The following THUMPD1 variants were observed in gnomAD, a reference collection of about 807,000 sequenced individuals.
The protein encoded by THUMPD1 is THUMP domain 1 NAT10 acetyltransferase adaptor.
A neutral mutation model predicts 31.6 loss-of-function variants in THUMPD1; 31 were observed. The observed-to-expected ratio is 0.98, with a 90% CI of 0.74 to 1.32. The LOEUF (loss-of-function observed/expected upper bound fraction) is 1.32. Among genes scored for constraint, THUMPD1 ranks in the 40% most tolerant of loss-of-function variants. The probability of loss-of-function intolerance (pLI) is 0.00; values close to 1 mark genes in which losing one functional copy is unlikely to be tolerated. For missense variants in THUMPD1, 446 were observed against 427.8 expected, an observed-to-expected ratio of 1.04 and a Z score of -0.38; for synonymous variants, 166 against 158.2, an observed-to-expected ratio of 1.05 and a Z score of -0.37.
chr16:20,737,305 A>C lies in THUMPD1; in HGVS notation c.656-19T>G. ...ACTATTCCTGTAACAAAAACAGAAA[A>C]ACACATAGCTGAGGAGGATACCATT... On this transcript the variant is annotated intron_variant, in intron 3 of 3. Transcript: ENST00000396083. 6.3e-7 allele frequency: 1 copy of C among 1,590,610 alleles called. No individual in the cohort carries two copies. Among genetic ancestry groups the C allele is most frequent in the Non-Finnish European group, 8.6e-7 (1 of 1,168,448 alleles).
rs1202335328 is a variant in THUMPD1 at position 20,734,807 on chromosome 16, T to C, written c.*2073A>G. 1 of 152,204 alleles carries C rather than the reference T, an allele frequency of 6.6e-6. No homozygotes were observed. The highest frequency in any genetic ancestry group is 2.4e-5 in the African/African-American group (1 of 41,464). 9.4% of individuals were successfully genotyped at this position (152,204 alleles called of 1,614,324 possible). On this transcript the variant is annotated 3_prime_UTR_variant, in exon 4 of 4. Transcript: ENST00000396083. The stretch of plus-strand genomic sequence containing the variant: ...TGAGTGTGAGCACTAAGTTGAAGAA[T>C]ACTCTTATTTCACAGAAATCTAGGA...
chr16:20,737,998 T>C, intron 2 of THUMPD1, 42 bp from the exon 3 acceptor site: 4 of 1,543,922 alleles, frequency 2.6e-6, no homozygotes, highest in South Asian at 2.5e-5. Context: ...TTCTCAGACA[T>C]CTTAAAGATC....
chr16:20,741,800 A>G lies in THUMPD1; in HGVS notation c.-61T>C, dbSNP rs755112249. 31 of 1,546,166 alleles carry G rather than the reference A, an allele frequency of 2.0e-5. 1 individual carries two copies. In the South Asian group the frequency reaches 3.2e-4, roughly 16 times the overall value. The stretch of plus-strand genomic sequence containing the variant: ...TCCGCTGCTGTTGGCGTCCTCGTCT[A>G]TCGCCGGCGCGAACTGGTGACGTCG... On this transcript the variant is annotated 5_prime_UTR_variant, in exon 1 of 4. Transcript: ENST00000396083.
In THUMPD1 at chr16:20,741,758, G is replaced by C. The variant is rs752416689; in HGVS notation, c.-19C>G. 6.4e-7 allele frequency: 1 copy of C among 1,557,642 alleles called. No homozygotes were observed. Among genetic ancestry groups the C allele is most frequent in the Non-Finnish European group, 8.7e-7 (1 of 1,150,430 alleles). ...CCGCCATGGTGTGCGCAAACTGAGA[G>C]GAAAGAGAAACGTTTCTCCGCTGCT... On this transcript the variant is annotated 5_prime_UTR_variant, in exon 1 of 4. Coordinates refer to ENST00000396083, the MANE Select transcript of THUMPD1 (RefSeq NM_017736.5).
chr16:20,741,816 GGT>G lies in THUMPD1; in HGVS notation c.-79_-78del. The G allele has an allele frequency of 6.5e-7, 1 of 1,542,202 alleles. No individual in the cohort carries two copies. Reference sequence around the variant, plus strand: ...TCCTCGTCTATCGCCGGCGCGAACTGGTGACGTCGGATATGAGCGACGGCCTC... The same window carrying G: ...TCCTCGTCTATCGCCGGCGCGAACTGGACGTCGGATATGAGCGACGGCCTC... On this transcript the variant is annotated 5_prime_UTR_variant, in exon 1 of 4. Coordinates refer to ENST00000396083, the MANE Select transcript of THUMPD1 (RefSeq NM_017736.5).
chr16:20,741,481 G>GGGGGGGGGGGCGCCCCCCCCCCCCCCC, intron 1 of THUMPD1, 28 bp downstream of exon 1: 1 of 1,308,412 alleles, frequency 7.6e-7, no homozygotes, highest in Non-Finnish European at 9.9e-7. Context: ...CTGGCAGCCG[G>GGGGGGGGGGGCGCCCCCCCCCCCCCCC]CCCGCCCGCC....
chr16:20,739,006 C>A lies in THUMPD1; in HGVS notation c.297G>T (p.Leu99Phe), dbSNP rs1402677302. Residue 99 changes from leucine to phenylalanine, a missense_variant, in exon 2 of 4, where the codon TTG (leucine) becomes TTT (phenylalanine). Physicochemically the swap from Leu to Phe is conservative, Grantham distance 22 (BLOSUM62 0). Coordinates refer to ENST00000396083, the MANE Select transcript of THUMPD1 (RefSeq NM_017736.5). Reference sequence around the variant, plus strand: ...CCTTAATGTCACCAACTTCTTTCTTCAAGGCAGCCTCCGCATCATCATCCT... The same window carrying A: ...CCTTAATGTCACCAACTTCTTTCTTAAAGGCAGCCTCCGCATCATCATCCT... ...EGEDDDAEAA[L>F]KKEVGDIKAS... 6.2e-7 allele frequency: 1 copy of A among 1,614,090 alleles called. No individual in the cohort carries two copies. The highest frequency in any genetic ancestry group is 8.5e-7 in the Non-Finnish European group (1 of 1,180,032).
Position 20,736,378 on chromosome 16 carries a change from T to TAAAAAAAAAAAAAAAAA in THUMPD1, c.*485_*501dup, listed in dbSNP as rs33947944. ...TGTCAGCTATATTACACACAAATGTTAAAAAAAAAAAAAAAAAACAGACAT... is the reference window on the plus strand; with the variant it reads ...TGTCAGCTATATTACACACAAATGTTAAAAAAAAAAAAAAAAAAAAAAAAAAAAAAAAAAACAGACAT... On this transcript the variant is annotated 3_prime_UTR_variant, in exon 4 of 4. Transcript: ENST00000396083. 1 of 129,244 alleles carries TAAAAAAAAAAAAAAAAA rather than the reference T, an allele frequency of 7.7e-6. No individual in the cohort carries two copies. The highest frequency in any genetic ancestry group is 3.0e-5 in the African/African-American group (1 of 33,474). 8.0% of individuals were successfully genotyped at this position (129,244 alleles called of 1,614,324 possible). A position where few individuals can be genotyped will look rare whatever the true frequency, so the allele number is the denominator to read the frequency against.
At chr16:20,738,114 C>A in intron 2 of THUMPD1, 158 bp from the exon 3 acceptor site, 1 of 743,768 alleles carries the variant, frequency 1.3e-6, no homozygotes, top group East Asian at 2.5e-5. Flanking sequence ...AACAGTATTT[C>A]TTCAGTGCCT....
chr16:20,737,823 T>C lies in THUMPD1; in HGVS notation c.540A>G (p.Ala180=). 1.2e-6 allele frequency: 2 copies of C among 1,614,008 alleles called. No individual in the cohort carries two copies. Among genetic ancestry groups the C allele is most frequent in the African/African-American group, 1.3e-5 (1 of 75,056 alleles). The change falls in exon 3 of 4, where the codon GCA becomes GCG. Residue 180 remains alanine, a synonymous_variant. Transcript: ENST00000396083. ...TAAACCAGGGTTCCAAAAATGTTTC[T>C]GCATATTTTTTCATATCTTCTAAAA... is the stretch of plus-strand genomic sequence containing the variant. ...KAFLEDMKKY[A]ETFLEPWFKA... is the part of the protein sequence containing the mutation.
At position 20,741,526 on chromosome 16, in the gene THUMPD1, T is replaced by G. The variant is rs1165760180; in HGVS notation, c.214A>C (p.Met72Leu). ...ACCGGTACCTTTTCTGGCCCATACA[T>G]GTCGTCGCCGTATTCGTTGAGGAGG... is the stretch of plus-strand genomic sequence containing the variant. The part of the protein sequence containing the change: ...YSLLNEYGDD[M>L]YGPEKFTDKD... The change falls in exon 1 of 4, where the codon ATG becomes CTG. Residue 72 changes from methionine to leucine, a missense_variant. Met to Leu is a conservative substitution (Grantham distance 15, BLOSUM62 2). Coordinates refer to ENST00000396083, the MANE Select transcript of THUMPD1 (RefSeq NM_017736.5). 8.7e-7 allele frequency: 1 copy of G among 1,145,076 alleles called. No individual in the cohort carries two copies. The highest frequency in any genetic ancestry group is 2.7e-5 in the Admixed American group (1 of 37,560). The allele number at this position is 1,145,076 out of a possible 1,614,324, so 70.9% of individuals were successfully genotyped here.
intron 3 of THUMPD1, 68 bp downstream of exon 3, chr16:20,737,637 AAAG>A (rs1342959629): frequency 4.0e-6 from 6 of 1,488,860 alleles, no homozygotes; most frequent in Non-Finnish European, 5.4e-6. Flanking sequence ...AAATCTTTAA[AAAG>A]AAAAAAATCC....
chr16:20,738,928 AT>A lies in THUMPD1; in HGVS notation c.374del (p.Asn125IlefsTer11), dbSNP rs1176836937. On this transcript the variant is annotated frameshift_variant, in exon 2 of 4. Coordinates refer to ENST00000396083, the MANE Select transcript of THUMPD1 (RefSeq NM_017736.5). LOFTEE classifies it high-confidence loss of function. ...CAAGTGTCCTGATGAAGACAACGTT[AT>A]TTGCTCCACTTTCCACTGACTGGAA... The part of the protein sequence containing the change: ...RRFQSVESGA[N>X]NVVFIRTLGI... 19 of 1,614,016 alleles carry A rather than the reference AT, an allele frequency of 1.2e-5. No individual in the cohort carries two copies. The highest frequency in any genetic ancestry group is 1.3e-5 in the African/African-American group (1 of 74,904).
In THUMPD1 at chr16:20,741,572, C is replaced by T; in HGVS notation, c.168G>A (p.Lys56=). ...ILITCNMNER[K]CVEEAYSLLN... is the part of the protein sequence containing the mutation. ...GGAGGCTGTAGGCCTCCTCCACGCA[C>T]TTGCGCTCGTTCATATTGCAGGTGA... Residue 56 remains lysine, a synonymous_variant, in exon 1 of 4, where the codon AAG becomes AAA. Coordinates refer to ENST00000396083, the MANE Select transcript of THUMPD1 (RefSeq NM_017736.5). 1.3e-6 allele frequency: 2 copies of T among 1,582,268 alleles called. No homozygotes were observed. The highest frequency in any genetic ancestry group is 8.6e-7 in the Non-Finnish European group (1 of 1,164,660).
rs2079896747 is a variant in THUMPD1 at position 20,739,197 on chromosome 16, A to G, written c.232-126T>C. The G allele has an allele frequency of 2.0e-5, 19 of 953,466 alleles. 1 individual carries two copies. Among genetic ancestry groups the G allele is most frequent in the Non-Finnish European group, 2.9e-5 (19 of 660,276 alleles). 59.1% of individuals were successfully genotyped at this position (953,466 alleles called of 1,614,324 possible). A position where few individuals can be genotyped will look rare whatever the true frequency, so the allele number is the denominator to read the frequency against. ...ATTGATTTTTTTTTTTTTTCTAAAGATGGAGTCTCGCTTTGCCTCCCAGGC... is the reference window on the plus strand; with the variant it reads ...ATTGATTTTTTTTTTTTTTCTAAAGGTGGAGTCTCGCTTTGCCTCCCAGGC... On this transcript the variant is annotated intron_variant, in intron 1 of 3. Coordinates refer to ENST00000396083, the MANE Select transcript of THUMPD1 (RefSeq NM_017736.5).
chr16:20,737,389 G>A, intron 3 of THUMPD1, 103 bp from the exon 4 acceptor site: 1 of 1,187,226 alleles, frequency 8.4e-7, no homozygotes, highest in Non-Finnish European at 1.2e-6. Context: ...AAGACATACA[G>A]TAATCCACTC....
At chr16:20,740,788 A>G (rs770168832) in intron 1 of THUMPD1, among the ~76,000 whole-genome samples, 9 of 152,236 alleles carry the variant, frequency 5.9e-5, no homozygotes, top group Non-Finnish European at 8.8e-5. Flanking sequence ...GATATTGGTA[A>G]AAGTTTTTAC....
chr16:20,738,652 T>C (rs910848289), intron 2 of THUMPD1: 2 of 484,226 alleles, frequency 4.1e-6, no homozygotes, highest in African/African-American at 3.9e-5. Context: ...GAACTGGCAC[T>C]CTAGTTCTGC....
Position 20,741,501 on chromosome 16 carries a change from A to AC in THUMPD1, c.231+7dup. On this transcript the variant is annotated splice_region_variant and intron_variant, in intron 1 of 3. Coordinates refer to ENST00000396083, the MANE Select transcript of THUMPD1 (RefSeq NM_017736.5). ...AGCCGGCCCGCCCGCCCACCCCGGG[A>AC]CCGGTACCTTTTCTGGCCCATACAT... is the stretch of plus-strand genomic sequence containing the variant. 5.5e-6 allele frequency: 1 copy of AC among 180,276 alleles called. No homozygotes were observed. The highest frequency in any genetic ancestry group is 1.1e-5 in the Non-Finnish European group (1 of 87,276). The allele number at this position is 180,276 out of a possible 1,614,324, so 11.2% of individuals were successfully genotyped here.
Sources: gnomAD v4.1 joint callset for allele counts (sites outside exome capture counted in the v4.1 genomes callset) on GRCh38, gnomAD v4.1.1 for gene constraint, MANE v1.5 for transcripts, NCBI Gene and HGNC (gene_info 2026-07-23, HGNC 2026-07-21) for gene names.